The following ERCC2 variants were observed in gnomAD, a reference collection of about 807,000 sequenced individuals.
ERCC2 encodes the protein general transcription and DNA repair factor IIH helicase subunit XPD.
In ERCC2, 90 loss-of-function variants were observed where a neutral mutation model predicts 99.4. The ratio of observed to expected loss-of-function variants is 0.91; its 90% CI spans 0.76 to 1.08. The LOEUF (loss-of-function observed/expected upper bound fraction) is 1.08, where lower values mean the gene tolerates loss of function less well. Among genes scored for constraint, ERCC2 ranks in the 50% least tolerant of loss-of-function variants. The probability of loss-of-function intolerance (pLI) is 0.00; values close to 1 mark genes in which losing one functional copy is unlikely to be tolerated. For synonymous variants in ERCC2, 497 were observed against 432.4 expected (o/e 1.15, Z -1.85); for missense variants, 993 against 1,038.1 (o/e 0.96, Z 0.60).
chr19:45,357,681 T>C lies in ERCC2; in HGVS notation c.1256A>G (p.Glu419Gly), dbSNP rs775219805. 3 of 1,613,828 alleles carry C rather than the reference T, an allele frequency of 1.9e-6. No individual in the cohort carries two copies. The highest frequency in any genetic ancestry group is 4.5e-5 in the East Asian group (2 of 44,876). Residue 419 changes from glutamate to glycine, a missense_variant, in exon 13 of 23, where the codon GAG (glutamate) becomes GGG (glycine). Glu to Gly is a moderately conservative substitution (Grantham distance 98). Coordinates refer to ENST00000391945, the MANE Select transcript of ERCC2 (RefSeq NM_000400.4). ...TYAKGFTIII[E>G]PFDDRTPTIA... is the part of the protein sequence containing the mutation. ...GGTCGGGGTTCTGTCGTCAAAGGGCTCGATGATGATGGTGAAGCCTGCAGA... is the reference window on the plus strand; with the variant it reads ...GGTCGGGGTTCTGTCGTCAAAGGGCCCGATGATGATGGTGAAGCCTGCAGA...
In ERCC2 at chr19:45,355,543, A is replaced by T. The variant is rs1015284396; in HGVS notation, c.1543+122T>A. The T allele has an allele frequency of 7.5e-6, 7 of 933,388 alleles. No individual in the cohort carries two copies. In the Admixed American group the frequency reaches 1.2e-4, roughly 17 times the overall value. 57.8% of individuals were successfully genotyped at this position (933,388 alleles called of 1,614,324 possible). On this transcript the variant is annotated intron_variant, in intron 16 of 22. Transcript: ENST00000391945. ...CAGTGGACGTGTACCACGGGCAAGA[A>T]GGAAACTCTGGGCTGAGCAACTAAG...
At position 45,352,598 on chromosome 19, in the gene ERCC2, G is replaced by A. The variant is rs1971847758; in HGVS notation, c.1954C>T (p.Leu652Phe). 3 of 1,613,894 alleles carry A rather than the reference G, an allele frequency of 1.9e-6. No homozygotes were observed. The highest frequency in any genetic ancestry group is 1.7e-5 in the Admixed American group (1 of 59,996). Residue 652 changes from leucine (L) to phenylalanine (F), a missense_variant, in exon 21 of 23, where the codon CTT becomes TTT. Physicochemically the swap from Leu to Phe is conservative, Grantham distance 22. This residue lies in a region of ERCC2 where 909 missense variants were observed against 930.8 expected (regional missense o/e 0.98). Coordinates refer to ENST00000391945, the MANE Select transcript of ERCC2 (RefSeq NM_000400.4). ...DQFQIRENDF[L>F]TFDAMRHAAQ... ...GCGTGGCGCATGGCATCGAAGGTAA[G>A]AAAGTCATTCTCACGAATCTGGAAC...
At position 45,352,595 on chromosome 19, in the gene ERCC2, TAAG is replaced by T. The variant is rs775486463; in HGVS notation, c.1954_1956del (p.Leu652del). Reference sequence around the variant, plus strand: ...GCCGCGTGGCGCATGGCATCGAAGGTAAGAAAGTCATTCTCACGAATCTGGAAC... The same window carrying T: ...GCCGCGTGGCGCATGGCATCGAAGGTAAAGTCATTCTCACGAATCTGGAAC... On this transcript the variant is annotated inframe_deletion, in exon 21 of 23. Transcript: ENST00000391945. 9 of 1,613,846 alleles carry T rather than the reference TAAG, an allele frequency of 5.6e-6. No individual in the cohort carries two copies. The highest frequency in any genetic ancestry group is 5.0e-5 in the Admixed American group (3 of 60,006).
At chr19:45,357,152 A>C in intron 15 of ERCC2, 118 bp downstream of exon 15, 1 of 722,668 alleles carries the variant, frequency 1.4e-6, no homozygotes, top group Non-Finnish European at 2.4e-6. Flanking sequence ...CTGAATCCCG[A>C]ACCCAGCCTC....
At chr19:45,354,969 T>TCC in intron 16 of ERCC2, 118 bp from the exon 17 acceptor site, 1 of 1,286,510 alleles carries the variant, frequency 7.8e-7, no homozygotes, top group Admixed American at 1.7e-5. Context: ...TTCACACATA[T>TCC]CCCCCTCCTC....
In ERCC2 at chr19:45,350,022, G is replaced by T; in HGVS notation, c.*1607C>A. ...ACAGCAGACAGGCTCAGAAACAGGA[G>T]GCTGCCTGTCCTCCATCCCCAGGGC... On this transcript the variant is annotated 3_prime_UTR_variant, in exon 23 of 23. Coordinates refer to ENST00000391945, the MANE Select transcript of ERCC2 (RefSeq NM_000400.4). 2.2e-6 allele frequency: 1 copy of T among 448,050 alleles called. No homozygotes were observed. The allele number at this position is 448,050 out of a possible 1,614,324, so 27.8% of individuals were successfully genotyped here.
intron 11 of ERCC2, among the ~76,000 whole-genome samples, chr19:45,362,441 C>T (rs571424301): frequency 3.9e-5 from 6 of 152,332 alleles, no homozygotes; most frequent in African/African-American, 7.2e-5. Context: ...ACGGATACCA[C>T]GTCCACACAC....
At chr19:45,354,127 G>C (rs552038952) in intron 17 of ERCC2, among the ~76,000 whole-genome samples, 1 of 152,284 alleles carries the variant, frequency 6.6e-6, no homozygotes, top group East Asian at 1.9e-4. Context: ...TCACCCCAAA[G>C]TGCTTTCACC....
In ERCC2 at chr19:45,351,348, C is replaced by G. The variant is rs201564801; in HGVS notation, c.*281G>C. On this transcript the variant is annotated 3_prime_UTR_variant, in exon 23 of 23. Coordinates refer to ENST00000391945, the MANE Select transcript of ERCC2 (RefSeq NM_000400.4). ...TCAGCGCCAGCACCCAGGACCTGAG[C>G]CCCCACTAACGTCCAGTGAACTGCG... 6.2e-7 allele frequency: 1 copy of G among 1,611,188 alleles called. No homozygotes were observed. Among genetic ancestry groups the G allele is most frequent in the East Asian group, 2.2e-5 (1 of 44,874 alleles).
intron 17 of ERCC2, 31 bp downstream of exon 17, chr19:45,354,699 G>C (rs376819121): frequency 2.7e-5 from 43 of 1,612,620 alleles, no homozygotes; most frequent in Non-Finnish European, 3.5e-5. Context: ...ACTGAGGAGA[G>C]CAGGTGCAGG....
Position 45,351,563 on chromosome 19 carries a change from C to G in ERCC2, c.*66G>C, listed in dbSNP as rs1971778906. On this transcript the variant is annotated 3_prime_UTR_variant, in exon 23 of 23. Coordinates refer to ENST00000391945, the MANE Select transcript of ERCC2 (RefSeq NM_000400.4). Reference sequence around the variant, plus strand: ...ATAAGACCTTCTAGCACCACCGCCGCTGGGAACCAGGGCCAGGCAAGACTC... The same window carrying G: ...ATAAGACCTTCTAGCACCACCGCCGGTGGGAACCAGGGCCAGGCAAGACTC... 1 of 1,609,624 alleles carries G rather than the reference C, an allele frequency of 6.2e-7. No individual in the cohort carries two copies. The highest frequency in any genetic ancestry group is 1.7e-5 in the Admixed American group (1 of 59,996).
At position 45,351,209 on chromosome 19, in the gene ERCC2, CTGGACCTGGAGCTGGAGGG is replaced by C; in HGVS notation, c.*401_*419del. 1 of 1,587,996 alleles carries C rather than the reference CTGGACCTGGAGCTGGAGGG, an allele frequency of 6.3e-7. No homozygotes were observed. The highest frequency in any genetic ancestry group is 1.3e-5 in the African/African-American group (1 of 74,584). On this transcript the variant is annotated 3_prime_UTR_variant, in exon 23 of 23. Transcript: ENST00000391945. Reference sequence around the variant, plus strand: ...GGGGGTTGGATAGTTGGCTGCCAGGCTGGACCTGGAGCTGGAGGGTGGATGTAACACTTGCCCCTCACCT... The same window carrying C: ...GGGGGTTGGATAGTTGGCTGCCAGGCTGGATGTAACACTTGCCCCTCACCT...
At chr19:45,369,495 C>T (rs1278369026) in intron 2 of ERCC2, among the ~76,000 whole-genome samples, 1 of 151,912 alleles carries the variant, frequency 6.6e-6, no homozygotes, top group African/African-American at 2.4e-5. Flanking sequence ...GGTGAAACCC[C>T]GTCTCTACTA....
rs144456449 is a variant in ERCC2, at chr19:45,354,754, G to A, written c.1641C>T (p.Ser547=). 1.7e-5 allele frequency: 28 copies of A among 1,614,080 alleles called. No individual in the cohort carries two copies. In the African/African-American group the frequency reaches 2.8e-4, roughly 16 times the overall value. The change falls in exon 17 of 23, where the codon AGC becomes AGT. Residue 547 remains serine, a synonymous_variant. Coordinates refer to ENST00000391945, the MANE Select transcript of ERCC2 (RefSeq NM_000400.4). ...AFFTSYQYME[S]TVASWYEQGI... is the part of the protein sequence containing the mutation. ...CCTGCTCATACCAGGAGGCCACGGT[G>A]CTCTCCATGTACTGGTAGCTGGTGA... is the stretch of plus-strand genomic sequence containing the variant.
At position 45,358,551 on chromosome 19, in the gene ERCC2, C is replaced by T. The variant is rs3916845; in HGVS notation, c.1238-852G>A. On this transcript the variant is annotated intron_variant, in intron 12 of 22. Transcript: ENST00000391945. ...GCCCCAAGAAGCCTCCCATGGCCCC[C>T]ACATGCCTCCAGTGGCCTGGTGCCT... 2,506 of 418,912 alleles carry T rather than the reference C, an allele frequency of 6.0e-3. 23 individuals carry two copies. The highest frequency in any genetic ancestry group is 0.012 in the Middle Eastern group (18 of 1,444). 25.9% of individuals were successfully genotyped at this position (418,912 alleles called of 1,614,324 possible).
chr19:45,365,637 A>T (rs1972400778), intron 5 of ERCC2, among the ~76,000 whole-genome samples: 1 of 151,574 alleles, frequency 6.6e-6, no homozygotes, highest in African/African-American at 2.4e-5. Context: ...ATAAAAATAC[A>T]AAAATGAGCC....
intron 17 of ERCC2, among the ~76,000 whole-genome samples, chr19:45,354,048 C>T (rs1261199060): frequency 6.6e-6 from 1 of 152,224 alleles, no homozygotes. Context: ...GATGTCCTGG[C>T]TGTGAGGATG....
At chr19:45,356,910 G>C (rs950287281) in intron 15 of ERCC2, among the ~76,000 whole-genome samples, 5 of 152,174 alleles carry the variant, frequency 3.3e-5, no homozygotes, top group East Asian at 1.9e-4. Flanking sequence ...GGAGAGGAAG[G>C]CTCACTTACC....
At position 45,351,224 on chromosome 19, in the gene ERCC2, G is replaced by A; in HGVS notation, c.*405C>T. ...GGCTGCCAGGCTGGACCTGGAGCTG[G>A]AGGGTGGATGTAACACTTGCCCCTC... On this transcript the variant is annotated 3_prime_UTR_variant, in exon 23 of 23. Coordinates refer to ENST00000391945, the MANE Select transcript of ERCC2 (RefSeq NM_000400.4). The A allele has an allele frequency of 6.3e-7, 1 of 1,591,426 alleles. No individual in the cohort carries two copies. The highest frequency in any genetic ancestry group is 8.6e-7 in the Non-Finnish European group (1 of 1,168,788).
Sources: gnomAD v4.1 joint callset for allele counts (sites outside exome capture counted in the v4.1 genomes callset) on GRCh38, gnomAD v4.1.1 for gene constraint, gnomAD v4.1.1 regional missense constraint, MANE v1.5 for transcripts, NCBI Gene and HGNC (gene_info 2026-07-23, HGNC 2026-07-21) for gene names.